LRGUK: variants seen among roughly 807,000 people sequenced by gnomAD.
The protein encoded by LRGUK is leucine rich repeats and guanylate kinase domain containing, also known as leucine-rich repeat and guanylate kinase domain-containing protein.
Under a neutral mutation model 76.0 loss-of-function variants are expected in LRGUK, and 65 were observed. The observed-to-expected ratio is 0.85, with a 90% CI of 0.70 to 1.05. LRGUK has a LOEUF of 1.05. Among genes scored for constraint, LRGUK ranks in the 50% least tolerant of loss-of-function variants. LRGUK has a pLI of 0.00. For missense variants in LRGUK, 758 were observed against 732.8 expected (o/e 1.03, Z -0.40); for synonymous variants, 268 against 265.6 (o/e 1.01, Z -0.09).
At chr7:134,153,908 C>T (rs993137838) in intron 5 of LRGUK, among the ~76,000 whole-genome samples, 1 of 152,152 alleles carries the variant, frequency 6.6e-6, no homozygotes, top group Admixed American at 6.6e-5. Flanking sequence ...TTGCTATACA[C>T]TTGAACCATA....
chr7:134,235,068 C>T (rs1032476353), intron 16 of LRGUK, among the ~76,000 whole-genome samples: 5 of 152,192 alleles, frequency 3.3e-5, no homozygotes, highest in African/African-American at 1.2e-4. Context: ...TAAGTGGTCT[C>T]TTTGGTTCTA....
Position 134,127,739 on chromosome 7 carries a change from GCACCCC to G in LRGUK, c.297+80_297+85del, listed in dbSNP as rs1797075135. Reference sequence around the variant, plus strand: ...GTTACTTCAGCGGCAGCTCCCCGATGCACCCCCACCAGCCCGAAGCTTCCCACACCT... The same window carrying G: ...GTTACTTCAGCGGCAGCTCCCCGATGCACCAGCCCGAAGCTTCCCACACCT... On this transcript the variant is annotated intron_variant, in intron 1 of 15. Coordinates refer to ENST00000645682, the Ensembl canonical transcript of LRGUK. The G allele has an allele frequency of 2.7e-6, 4 of 1,491,408 alleles. No individual in the cohort carries two copies. In the Admixed American group the frequency reaches 8.6e-5, roughly 32 times the overall value. 92.4% of individuals were successfully genotyped at this position (1,491,408 alleles called of 1,614,324 possible).
chr7:134,234,273 CT>C (rs1801967426), intron 16 of LRGUK, among the ~76,000 whole-genome samples: 1 of 151,962 alleles, frequency 6.6e-6, no homozygotes, highest in Non-Finnish European at 1.5e-5. Context: ...GTTTCCCAGT[CT>C]CTTGGTGATG....
At chr7:134,129,574 G>A (rs1428914070) in intron 1 of LRGUK, among the ~76,000 whole-genome samples, 12 of 149,904 alleles carry the variant, frequency 8.0e-5, no homozygotes, top group Non-Finnish European at 1.0e-4. Context: ...CTAGTCTCAA[G>A]TAATCCTCCT....
chr7:134,247,238 C>G (rs2598262), intron 16 of LRGUK, among the ~76,000 whole-genome samples: 12,101 of 152,016 alleles, frequency 0.08, 1,185 homozygotes, highest in African/African-American at 0.23. Flanking sequence ...ATAGTCTGTA[C>G]CTTTGAGAAG....
rs775624133 is a variant in LRGUK at position 134,163,424 on chromosome 7, G to A, written c.823G>A (p.Gly275Ser). ...CAATAACCAGATTGAGATGATCACA[G>A]GTTTGGAGGATCTGAAAGCCCTGCA... is the stretch of plus-strand genomic sequence containing the variant. The change falls in exon 7 of 16, where the codon GGT becomes AGT. Residue 275 changes from glycine (G) to serine (S), a missense_variant. Physicochemically the swap from Gly to Ser is moderately conservative, Grantham distance 56. Transcript: ENST00000645682. 6 of 1,613,432 alleles carry A rather than the reference G, an allele frequency of 3.7e-6. No individual in the cohort carries two copies. The South Asian group carries it at 5.5e-5, about 15-fold the overall frequency.
rs200745806 is a variant in LRGUK, at chr7:134,258,211, G to A, written c.2199-46G>A. The A allele has an allele frequency of 1.1e-4, 183 of 1,611,344 alleles. 1 individual carries two copies. In the East Asian group the frequency reaches 3.2e-3, roughly 28 times the overall value. ...CATAGATCGTGTGGCCATTAGTAGC[G>A]AATAGTTTGGATCTCAAAAAGATCT... On this transcript the variant is annotated intron_variant, in intron 18 of 19. Transcript: ENST00000285928.
chr7:134,186,122 A>G (rs1799971743), intron 11 of LRGUK, among the ~76,000 whole-genome samples: 1 of 152,216 alleles, frequency 6.6e-6, no homozygotes, highest in South Asian at 2.1e-4. Flanking sequence ...TTCCTTTCAC[A>G]TCTCTGATAC....
At chr7:134,149,157 C>G (rs1385359357) in intron 5 of LRGUK, among the ~76,000 whole-genome samples, 1 of 149,582 alleles carries the variant, frequency 6.7e-6, no homozygotes, top group Non-Finnish European at 1.5e-5. Flanking sequence ...ATAGCTATTT[C>G]ATGAGCCAGG....
At chr7:134,229,645 C>T (rs1801847320) in intron 16 of LRGUK, among the ~76,000 whole-genome samples, 2 of 152,092 alleles carry the variant, frequency 1.3e-5, no homozygotes, top group Admixed American at 1.3e-4. Flanking sequence ...AAAACATTCT[C>T]ACATTTTTGT....
At chr7:134,178,727 C>T (rs566019695) in intron 10 of LRGUK, 118 bp downstream of exon 10, 45 of 632,240 alleles carry the variant, frequency 7.1e-5, no homozygotes, top group South Asian at 3.1e-4. Flanking sequence ...TGCTTTTTCC[C>T]TTTCTCTGAG....
downstream of LRGUK, among the ~76,000 whole-genome samples, chr7:134,212,108 A>G (rs1017011254): frequency 2.0e-5 from 3 of 152,228 alleles, no homozygotes; most frequent in Non-Finnish European, 4.4e-5. Flanking sequence ...AGCTCCCACT[A>G]CTGTAAAGGG....
chr7:134,216,358 C>A lies in LRGUK; in HGVS notation c.1844-5421C>A, dbSNP rs566635628. The stretch of plus-strand genomic sequence containing the variant: ...AAATCCTTTTTTAAAAATTTGATAA[C>A]CTTGATTTAATTAGGTAACTTAAAA... On this transcript the variant is annotated intron_variant, in intron 15 of 19. Coordinates refer to the LRGUK transcript ENST00000285928. Among the ~76,000 whole-genome samples the A allele has an allele frequency of 3.9e-5, 6 of 152,100 alleles. No individual in the cohort carries two copies. In the South Asian group the frequency reaches 6.2e-4, roughly 16 times the overall value.
Position 134,177,064 on chromosome 7 carries a change from G to C in LRGUK, c.1107+1G>C. 6.3e-7 allele frequency: 1 copy of C among 1,576,970 alleles called. No homozygotes were observed. The highest frequency in any genetic ancestry group is 2.3e-5 in the East Asian group (1 of 44,370). On this transcript the variant is annotated splice_donor_variant, in intron 9 of 15. Transcript: ENST00000645682. LOFTEE classifies it high-confidence loss of function. Reference sequence around the variant, plus strand: ...GAAGAAGATTAAAGTGGAAGAAAAGGTATGTAATCATGTCATAACATTACC... The same window carrying C: ...GAAGAAGATTAAAGTGGAAGAAAAGCTATGTAATCATGTCATAACATTACC...
Position 134,159,540 on chromosome 7 carries a change from CA to C in LRGUK, c.795+1382del, listed in dbSNP as rs560722834. Among the ~76,000 whole-genome samples, 18 of 152,236 alleles carry C rather than the reference CA, an allele frequency of 1.2e-4. No homozygotes were observed. The South Asian group carries it at 3.5e-3, about 30-fold the overall frequency. On this transcript the variant is annotated intron_variant, in intron 6 of 15. Coordinates refer to ENST00000645682, the Ensembl canonical transcript of LRGUK. ...GCGTGGTGGCTTGCGCCTGTAATCC[CA>C]GCACTTTGGGAGGCTAAGGCGGGTG...
At chr7:134,220,257 G>A (rs1191731925) in intron 15 of LRGUK, among the ~76,000 whole-genome samples, 2 of 151,932 alleles carry the variant, frequency 1.3e-5, no homozygotes, top group South Asian at 2.1e-4. Flanking sequence ...TATAGTCCTC[G>A]CCCATTTGTT....
At chr7:134,231,998 T>C (rs1030462537) in intron 16 of LRGUK, among the ~76,000 whole-genome samples, 2 of 152,134 alleles carry the variant, frequency 1.3e-5, no homozygotes, top group African/African-American at 4.8e-5. Context: ...ATTTGTTGAA[T>C]TCTTATCATG....
intron 4 of LRGUK, among the ~76,000 whole-genome samples, chr7:134,145,839 G>A (rs1797946877): frequency 6.6e-6 from 1 of 152,196 alleles, no homozygotes. Context: ...GCGGGGACTT[G>A]TATGTGCACT....
At chr7:134,160,415 T>G (rs1798674834) in intron 6 of LRGUK, among the ~76,000 whole-genome samples, 1 of 152,194 alleles carries the variant, frequency 6.6e-6, no homozygotes, top group Non-Finnish European at 1.5e-5. Context: ...TTTTCTTAAT[T>G]TTTTGATAAT....
Sources: gnomAD v4.1 joint callset for allele counts (sites outside exome capture counted in the v4.1 genomes callset) on GRCh38, gnomAD v4.1.1 for gene constraint, MANE v1.5 for transcripts, NCBI Gene and HGNC (gene_info 2026-07-23, HGNC 2026-07-21) for gene names.